FRAS1: variants seen among roughly 807,000 people sequenced by gnomAD.
FRAS1 encodes the protein Fraser extracellular matrix complex subunit 1.
In FRAS1, 290 loss-of-function variants were observed where a neutral mutation model predicts 435.2. That is an observed-to-expected ratio of 0.67 (90% CI 0.61 to 0.73). The LOEUF (loss-of-function observed/expected upper bound fraction) is 0.73, where lower values mean the gene tolerates loss of function less well. Ranked by LOEUF, FRAS1 falls within the 30% of genes least tolerant of loss-of-function variation. The pLI is 0.00. For missense variants in FRAS1, 4,860 were observed against 5,001.5 expected (o/e 0.97, Z 0.85); for synonymous variants, 1,800 against 1,851.0 (o/e 0.97, Z 0.71).
Position 78,057,830 on chromosome 4 carries a change from G to C in FRAS1, c.-180G>C. The stretch of plus-strand genomic sequence containing the variant: ...AGTGAATTGAACCCCAGCCCGCTCC[G>C]GCGCCTCCGGGCTGATGAGTGTCGC... On this transcript the variant is annotated 5_prime_UTR_variant, in exon 1 of 74. Coordinates refer to ENST00000512123, the MANE Select transcript of FRAS1 (RefSeq NM_025074.7). The surrounding 1 kb of genome is among the most constrained non-coding windows in gnomAD (Gnocchi z 4.2). 3.4e-6 allele frequency: 2 copies of C among 586,900 alleles called. No homozygotes were observed. The highest frequency in any genetic ancestry group is 6.0e-6 in the Non-Finnish European group (2 of 332,186). The allele number at this position is 586,900 out of a possible 1,614,324, so 36.4% of individuals were successfully genotyped here. A position where few individuals can be genotyped will look rare whatever the true frequency, so the allele number is the denominator to read the frequency against.
chr4:78,063,155 G>A (rs1166129214), intron 1 of FRAS1, among the ~76,000 whole-genome samples: 1 of 152,140 alleles, frequency 6.6e-6, no homozygotes, highest in East Asian at 1.9e-4. Flanking sequence ...GATGAATTTT[G>A]TTTTCCATAT....
intron 36 of FRAS1, among the ~76,000 whole-genome samples, chr4:78,429,454 A>G (rs1734127188): frequency 6.6e-6 from 1 of 152,178 alleles, no homozygotes; most frequent in African/African-American, 2.4e-5. Flanking sequence ...CACAACACAG[A>G]ACTGATTTTC....
chr4:78,406,241 C>A (rs575444596), intron 30 of FRAS1, among the ~76,000 whole-genome samples: 57 of 152,266 alleles, frequency 3.7e-4, no homozygotes, highest in African/African-American at 1.3e-3. Flanking sequence ...AACTCTGAAC[C>A]TGAAGACCTT....
chr4:78,322,723 A>C lies in FRAS1; in HGVS notation c.2137+3737A>C, dbSNP rs549579447. Among the ~76,000 whole-genome samples, 25 of 152,296 alleles carry C rather than the reference A, an allele frequency of 1.6e-4. No individual in the cohort carries two copies. The East Asian group carries it at 4.4e-3, about 27-fold the overall frequency. Reference sequence around the variant, plus strand: ...ATCCAAGTCTGTGATGAGAGGACAAAAAAATTTAAAATTAACAGTGATCAA... The same window carrying C: ...ATCCAAGTCTGTGATGAGAGGACAACAAAATTTAAAATTAACAGTGATCAA... On this transcript the variant is annotated intron_variant, in intron 18 of 73. Transcript: ENST00000512123.
chr4:78,387,855 A>T (rs182332677), intron 29 of FRAS1, among the ~76,000 whole-genome samples, 154 bp downstream of exon 29: 1 of 152,314 alleles, frequency 6.6e-6, no homozygotes, highest in East Asian at 1.9e-4. Flanking sequence ...ATATCTAGTT[A>T]GGAGCACCCT....
chr4:78,232,945 G>T (rs1459873837), intron 2 of FRAS1, among the ~76,000 whole-genome samples: 1 of 152,180 alleles, frequency 6.6e-6, no homozygotes, highest in African/African-American at 2.4e-5. Context: ...GGCTTCCTAA[G>T]CCCAGATACA....
chr4:78,146,935 A>G (rs1428084244), intron 2 of FRAS1, among the ~76,000 whole-genome samples: 2 of 152,080 alleles, frequency 1.3e-5, no homozygotes, highest in Admixed American at 6.6e-5. Context: ...CACCCTGACA[A>G]GACTCTAATG....
intron 2 of FRAS1, among the ~76,000 whole-genome samples, chr4:78,206,922 C>T (rs1360284813): frequency 2.0e-5 from 3 of 152,202 alleles, no homozygotes; most frequent in Non-Finnish European, 4.4e-5. Flanking sequence ...TCAGTTGCTG[C>T]CACAGGTGAT....
chr4:78,194,618 T>C (rs1324383305), intron 2 of FRAS1, among the ~76,000 whole-genome samples: 1 of 152,208 alleles, frequency 6.6e-6, no homozygotes, highest in East Asian at 1.9e-4. Flanking sequence ...GGTTTTCAGC[T>C]CCATCAGGTC....
chr4:78,078,773 G>C (rs72858772), intron 2 of FRAS1, among the ~76,000 whole-genome samples: 4,428 of 152,106 alleles, frequency 0.029, 194 homozygotes, highest in African/African-American at 0.1. Context: ...TTACATAAGA[G>C]AAAATACAAG....
chr4:78,425,540 G>A (rs912765133), intron 35 of FRAS1, among the ~76,000 whole-genome samples: 2 of 152,172 alleles, frequency 1.3e-5, no homozygotes, highest in Non-Finnish European at 2.9e-5. Flanking sequence ...AGGGAAAAAT[G>A]TTAGCAGTAG....
At chr4:78,173,340 GA>G (rs745883385) in intron 2 of FRAS1, among the ~76,000 whole-genome samples, 1 of 152,192 alleles carries the variant, frequency 6.6e-6, no homozygotes, top group East Asian at 1.9e-4. Context: ...CTCCAACCTT[GA>G]AACATTGGGA....
intron 23 of FRAS1, among the ~76,000 whole-genome samples, 158 bp downstream of exon 23, chr4:78,370,142 T>A (rs1466350820): frequency 2.0e-5 from 3 of 152,238 alleles, no homozygotes; most frequent in Non-Finnish European, 4.4e-5. Flanking sequence ...TATTCATTAA[T>A]TCACTCCTTT....
chr4:78,082,959 A>G (rs1271521279), intron 2 of FRAS1, among the ~76,000 whole-genome samples: 1 of 152,164 alleles, frequency 6.6e-6, no homozygotes, highest in Non-Finnish European at 1.5e-5. Flanking sequence ...TTAATATACC[A>G]GAACATTAGA....
intron 14 of FRAS1, among the ~76,000 whole-genome samples, chr4:78,301,542 C>T (rs146096159): frequency 1.4e-3 from 207 of 152,180 alleles, no homozygotes; most frequent in African/African-American, 4.9e-3. Context: ...AGGCAAAGAA[C>T]GATAGATGTC....
chr4:78,307,881 C>G (rs1248872169), intron 14 of FRAS1, among the ~76,000 whole-genome samples, 185 bp from the exon 15 acceptor site: 1 of 152,170 alleles, frequency 6.6e-6, no homozygotes, highest in Non-Finnish European at 1.5e-5. Context: ...GGCTCCTCCC[C>G]CTAGAAACGG....
chr4:78,064,740 G>A (rs141167328), intron 1 of FRAS1, among the ~76,000 whole-genome samples: 167 of 151,820 alleles, frequency 1.1e-3, no homozygotes, highest in African/African-American at 3.7e-3. Flanking sequence ...TTCCATTACT[G>A]GAGGAGAAGG....
chr4:78,323,994 C>T (rs1235832758), intron 18 of FRAS1, among the ~76,000 whole-genome samples: 1 of 152,052 alleles, frequency 6.6e-6, no homozygotes, highest in Admixed American at 6.5e-5. Flanking sequence ...ATAACATGCT[C>T]CTAGGTGAGG....
Position 78,438,928 on chromosome 4 carries a change from G to A in FRAS1, c.5393G>A (p.Gly1798Asp). ...IRYSAVFETD[G>D]HLVTDSFYFS... is the part of the protein sequence containing the mutation. ...TACTCAGCTGTGTTTGAAACTGATG[G>A]TCATCTGGTTACTGATAGCTTCTAT... is the stretch of plus-strand genomic sequence containing the variant. The change falls in exon 40 of 74, where the codon GGT (glycine) becomes GAT (aspartate). Residue 1798 changes from glycine (G) to aspartate (D), a missense_variant. By Grantham distance (94) the Gly-to-Asp change is moderately conservative (BLOSUM62 -1). Transcript: ENST00000512123. The A allele has an allele frequency of 1.9e-6, 3 of 1,609,762 alleles. No individual in the cohort carries two copies. The highest frequency in any genetic ancestry group is 1.3e-5 in the African/African-American group (1 of 74,786).
Sources: gnomAD v4.1 joint callset for allele counts (sites outside exome capture counted in the v4.1 genomes callset) on GRCh38, gnomAD v4.1.1 for gene constraint, Gnocchi (gnomAD v3.1) non-coding constraint, MANE v1.5 for transcripts, NCBI Gene and HGNC (gene_info 2026-07-23, HGNC 2026-07-21) for gene names.